PCDHGA7: variants seen among roughly 807,000 people sequenced by gnomAD.
PCDHGA7 encodes the protein protocadherin gamma subfamily A, 7.
A neutral mutation model predicts 58.3 loss-of-function variants in PCDHGA7; 44 were observed. That is an observed-to-expected ratio of 0.75 (90% CI 0.59 to 0.97). The LOEUF is 0.97. PCDHGA7 is among the 50% of genes least tolerant of loss of function. The pLI is 0.00. For missense variants in PCDHGA7, 1,266 were observed against 1,188.7 expected (o/e 1.06, Z -0.96); for synonymous variants, 516 against 504.2 (o/e 1.02, Z -0.31).
chr5:141,478,589 T>C, intron 1 of PCDHGA7: 2 of 1,573,336 alleles, frequency 1.3e-6, no homozygotes, highest in Non-Finnish European at 1.7e-6. Context: ...AGTGCTTTTT[T>C]ATTCCTACAT....
chr5:141,487,811 A>T lies in PCDHGA7; in HGVS notation c.2425-6996A>T, dbSNP rs1389081995. 2.1e-6 allele frequency: 3 copies of T among 1,414,662 alleles called. No homozygotes were observed. In the African/African-American group the frequency reaches 4.3e-5, roughly 20 times the overall value. 87.6% of individuals were successfully genotyped at this position (1,414,662 alleles called of 1,614,324 possible). A position where few individuals can be genotyped will look rare whatever the true frequency, so the allele number is the denominator to read the frequency against. ...TTAACCAGAGTTGTCACAGTTTAGCATTGGGGGCGGGTCATGCCTATATCT... is the reference window on the plus strand; with the variant it reads ...TTAACCAGAGTTGTCACAGTTTAGCTTTGGGGGCGGGTCATGCCTATATCT... On this transcript the variant is annotated intron_variant, in intron 1 of 3. Transcript: ENST00000518325. The surrounding 1 kb of genome is among the most constrained non-coding windows in gnomAD (Gnocchi z 5.0).
intron 1 of PCDHGA7, among the ~76,000 whole-genome samples, chr5:141,439,208 C>A: frequency 6.6e-6 from 1 of 151,294 alleles, no homozygotes. Flanking sequence ...AAAAAAAATC[C>A]ATATGTGAAA....
rs777325229 is a variant in PCDHGA7, at chr5:141,403,135, G to A, written c.2424+17812G>A. On this transcript the variant is annotated intron_variant, in intron 1 of 3. Transcript: ENST00000518325. ...CTCTGGAGCCCCGGGAGCTGGCGGA[G>A]CGCCGAGTCCGCATCGTCTCTAGAG... 8 of 1,613,948 alleles carry A rather than the reference G, an allele frequency of 5.0e-6. No homozygotes were observed. The African/African-American group carries it at 8.0e-5, about 16-fold the overall frequency.
chr5:141,503,506 G>A (rs2099820313), intron 2 of PCDHGA7, among the ~76,000 whole-genome samples: 1 of 151,616 alleles, frequency 6.6e-6, no homozygotes, highest in African/African-American at 2.4e-5. Context: ...GGCTGAGGCA[G>A]GAGAATCACT....
rs376515666 is a variant in PCDHGA7, at chr5:141,394,832, C to T, written c.2424+9509C>T. On this transcript the variant is annotated intron_variant, in intron 1 of 3. Coordinates refer to ENST00000518325, the MANE Select transcript of PCDHGA7 (RefSeq NM_018920.4). The stretch of plus-strand genomic sequence containing the variant: ...CTGACAGCATCCCCGAAGTCCTGAC[C>T]GAGTTGGGCAGTCTGAAGCCTTCGG... The T allele has an allele frequency of 1.5e-5, 24 of 1,613,710 alleles. No individual in the cohort carries two copies. In the East Asian group the frequency reaches 3.3e-4, roughly 22 times the overall value.
At chr5:141,499,289 C>T in intron 2 of PCDHGA7, among the ~76,000 whole-genome samples, 1 of 152,212 alleles carries the variant, frequency 6.6e-6, no homozygotes, top group African/African-American at 2.4e-5. Context: ...GATGGCTCCA[C>T]ACTACCATCC....
rs568123995 is a variant in PCDHGA7 at position 141,511,539 on chromosome 5, C to G, written c.*366C>G. The G allele has an allele frequency of 3.0e-5, 10 of 328,342 alleles. No individual in the cohort carries two copies. The highest frequency in any genetic ancestry group is 2.1e-4 in the African/African-American group (10 of 47,452). The allele number at this position is 328,342 out of a possible 1,614,324, so 20.3% of individuals were successfully genotyped here. ...CATCCCATGCCTCCCTCCTCCCCAC[C>G]CCACTCCAACAGTTCCTCTTTCCCG... On this transcript the variant is annotated 3_prime_UTR_variant, in exon 4 of 4. Transcript: ENST00000518325.
chr5:141,383,793 A>C lies in PCDHGA7; in HGVS notation c.894A>C (p.Thr298=), dbSNP rs1348224147. The C allele has an allele frequency of 5.6e-6, 9 of 1,613,998 alleles. No individual in the cohort carries two copies. Among genetic ancestry groups the C allele is most frequent in the Admixed American group, 1.7e-5 (1 of 60,036 alleles). ...AGATGTTTCATCTGAACTCGCTTAC[A>C]GGAGAAATATCAACTTTAGAAGGAT... is the stretch of plus-strand genomic sequence containing the variant. ...LPKMFHLNSL[T]GEISTLEGLD... Residue 298 remains threonine (T), a synonymous_variant, in exon 1 of 4, where the codon ACA becomes ACC. Coordinates refer to ENST00000518325, the MANE Select transcript of PCDHGA7 (RefSeq NM_018920.4).
At chr5:141,387,197 T>C (rs1417433412) in intron 1 of PCDHGA7, among the ~76,000 whole-genome samples, 1 of 152,220 alleles carries the variant, frequency 6.6e-6, no homozygotes, top group East Asian at 1.9e-4. Flanking sequence ...AATTTTGGTA[T>C]TACTGATACT....
chr5:141,409,669 C>T, intron 1 of PCDHGA7: 1 of 1,613,528 alleles, frequency 6.2e-7, no homozygotes, highest in Non-Finnish European at 8.5e-7. Context: ...ACATCTCCTA[C>T]TCTATAGTGG....
intron 1 of PCDHGA7, chr5:141,415,308 C>T: frequency 6.2e-7 from 1 of 1,614,236 alleles, no homozygotes; most frequent in Non-Finnish European, 8.5e-7. Flanking sequence ...TCCTGGCCTT[C>T]GTCATCGTGC....
At chr5:141,394,378 A>G (rs373024642) in intron 1 of PCDHGA7, 91 of 1,614,090 alleles carry the variant, frequency 5.6e-5, no homozygotes, top group Non-Finnish European at 6.9e-5. Flanking sequence ...TCTTTCGACT[A>G]TGAGCAGATC....
chr5:141,394,667 G>C, intron 1 of PCDHGA7: 5 of 1,613,252 alleles, frequency 3.1e-6, no homozygotes, highest in Non-Finnish European at 4.2e-6. Flanking sequence ...GACTCTTCTC[G>C]GTGGGTCTGC....
At chr5:141,419,159 T>G in intron 1 of PCDHGA7, 1 of 1,613,916 alleles carries the variant, frequency 6.2e-7, no homozygotes, top group Non-Finnish European at 8.5e-7. Flanking sequence ...TCCGTTATCC[T>G]CCAGCAAAAC....
intron 1 of PCDHGA7, chr5:141,478,712 G>A (rs1160573848): frequency 3.2e-6 from 5 of 1,547,048 alleles, no homozygotes; most frequent in Non-Finnish European, 4.4e-6. Flanking sequence ...TTTGTGAGAT[G>A]GTGGCCTGCC....
At chr5:141,435,593 G>A (rs183768133) in intron 1 of PCDHGA7, among the ~76,000 whole-genome samples, 9 of 152,112 alleles carry the variant, frequency 5.9e-5, no homozygotes, top group Admixed American at 2.6e-4. Flanking sequence ...CAGTAATATC[G>A]CCTGCTTTTT....
At chr5:141,395,196 G>T (rs1431851304) in intron 1 of PCDHGA7, 1 of 1,613,948 alleles carries the variant, frequency 6.2e-7, no homozygotes, top group Non-Finnish European at 8.5e-7. Context: ...GTTAACATCC[G>T]TAGATTTTCA....
chr5:141,383,450 G>A lies in PCDHGA7; in HGVS notation c.551G>A (p.Ser184Asn). The A allele has an allele frequency of 6.2e-7, 1 of 1,613,960 alleles. No homozygotes were observed. Among genetic ancestry groups the A allele is most frequent in the Non-Finnish European group, 8.5e-7 (1 of 1,179,868 alleles). ...PNRHFSLAVQ[S>N]GDDETKYPEL... ...CGCCACTTCTCCCTGGCTGTGCAAA[G>A]TGGAGACGATGAAACTAAGTACCCG... The change falls in exon 1 of 4, where the codon AGT becomes AAT. Residue 184 changes from serine to asparagine, a missense_variant. Transcript: ENST00000518325.
chr5:141,453,848 C>T (rs1045684685), intron 1 of PCDHGA7, among the ~76,000 whole-genome samples: 38 of 152,290 alleles, frequency 2.5e-4, no homozygotes, highest in Non-Finnish European at 4.4e-4. Context: ...GTCCACAGAG[C>T]ACTTTGAAAA....
Sources: gnomAD v4.1 joint callset for allele counts (sites outside exome capture counted in the v4.1 genomes callset) on GRCh38, gnomAD v4.1.1 for gene constraint, Gnocchi (gnomAD v3.1) non-coding constraint, MANE v1.5 for transcripts, NCBI Gene and HGNC (gene_info 2026-07-23, HGNC 2026-07-21) for gene names.